The following GCNT4 variants were observed in gnomAD, a reference collection of about 807,000 sequenced individuals.
GCNT4 encodes the protein glucosaminyl (N-acetyl) transferase 4.
A neutral mutation model predicts 31.3 loss-of-function variants in GCNT4; 17 were observed. That is an observed-to-expected ratio of 0.54 (90% confidence interval 0.37 to 0.81). GCNT4 has a LOEUF of 0.81. GCNT4 is among the 40% of genes least tolerant of loss of function. The probability of loss-of-function intolerance (pLI) is 0.00; values close to 1 mark genes in which losing one functional copy is unlikely to be tolerated. For synonymous variants in GCNT4, 158 were observed against 190.6 expected (o/e 0.83, Z 1.41); for missense variants, 503 against 525.5 (o/e 0.96, Z 0.42).
chr5:75,041,745 A>G (rs1743326381), intron 3 of GCNT4, among the ~76,000 whole-genome samples: 1 of 152,228 alleles, frequency 6.6e-6, no homozygotes, highest in African/African-American at 2.4e-5. Context: ...ACCAATTGGG[A>G]AACAGTAGAC....
chr5:75,046,255 G>A (rs1010497779), intron 3 of GCNT4, among the ~76,000 whole-genome samples: 12 of 152,198 alleles, frequency 7.9e-5, no homozygotes, highest in Admixed American at 7.9e-4. Context: ...AAAGGAAGAA[G>A]GAACCTGGTA....
At position 75,033,673 on chromosome 5, in the gene GCNT4, A is replaced by AT. The variant is rs772607869; in HGVS notation, c.-1-3636dup. Among the ~76,000 whole-genome samples, 807 of 145,520 alleles carry AT rather than the reference A, an allele frequency of 5.5e-3. 11 individuals are homozygous for AT. The highest frequency in any genetic ancestry group is 0.017 in the African/African-American group (659 of 39,624). On this transcript the variant is annotated intron_variant, in intron 3 of 3. Coordinates refer to ENST00000652361, the MANE Select transcript of GCNT4 (RefSeq NM_001366737.1). The stretch of plus-strand genomic sequence containing the variant: ...AATCCCTTTATTTATTTATTTATTT[A>AT]TTTTTTTTTTTTTACTTTAAGTTCT...
At chr5:75,030,218 G>A (rs1280753604) in intron 3 of GCNT4, 180 bp from the exon 4 acceptor site, 1 of 603,638 alleles carries the variant, frequency 1.7e-6, no homozygotes, top group African/African-American at 1.9e-5. Context: ...AAGAATGGTG[G>A]TATTTTGGGG....
At chr5:75,018,454 G>A in the GCNT4 span, among the ~76,000 whole-genome samples, 10 of 151,974 alleles carry the variant, frequency 6.6e-5, no homozygotes, top group Non-Finnish European at 1.3e-4. Flanking sequence ...GCTAATTTTT[G>A]TATTTTTAGT....
At chr5:75,032,872 G>GGTGTGTGTGTGTGT (rs60551634) in intron 3 of GCNT4, among the ~76,000 whole-genome samples, 58 of 130,752 alleles carry the variant, frequency 4.4e-4, no homozygotes, top group East Asian at 3.6e-3. Context: ...CCCAAATAGG[G>GGTGTGTGTGTGTGT]GTGTGTGTGT....
At chr5:75,031,927 C>A (rs1743072366) in intron 3 of GCNT4, among the ~76,000 whole-genome samples, 1 of 152,122 alleles carries the variant, frequency 6.6e-6, no homozygotes, top group Non-Finnish European at 1.5e-5. Context: ...CCTAACATAT[C>A]TCAATAAACC....
intron 2 of GCNT4, among the ~76,000 whole-genome samples, chr5:75,049,936 G>A (rs887470900): frequency 2.0e-5 from 3 of 152,198 alleles, no homozygotes; most frequent in African/African-American, 7.2e-5. Flanking sequence ...CAGCACTAAG[G>A]TTTACTGAGC....
intron 3 of GCNT4, among the ~76,000 whole-genome samples, chr5:75,038,361 G>T (rs528636993): frequency 1.3e-5 from 2 of 152,140 alleles, no homozygotes; most frequent in Non-Finnish European, 2.9e-5. Flanking sequence ...TTTACAGGTG[G>T]TTGAGCCCAT....
chr5:75,033,729 T>C (rs1743131305), intron 3 of GCNT4, among the ~76,000 whole-genome samples: 1 of 152,002 alleles, frequency 6.6e-6, no homozygotes, highest in African/African-American at 2.4e-5. Flanking sequence ...GCAGGTTTCT[T>C]ACATAGGTAT....
intron 3 of GCNT4, among the ~76,000 whole-genome samples, chr5:75,031,634 T>C (rs1043987850): frequency 2.0e-5 from 3 of 151,892 alleles, no homozygotes; most frequent in African/African-American, 7.3e-5. Context: ...CAGGGTAGAG[T>C]GGGAAAGGAC....
chr5:75,040,266 C>A (rs775739268), intron 3 of GCNT4, among the ~76,000 whole-genome samples: 1 of 151,882 alleles, frequency 6.6e-6, no homozygotes, highest in Non-Finnish European at 1.5e-5. Context: ...GCAACCTCCG[C>A]CTCCCAGATT....
intron 3 of GCNT4, among the ~76,000 whole-genome samples, chr5:75,033,759 G>C (rs1377630089): frequency 6.6e-6 from 1 of 151,664 alleles, no homozygotes; most frequent in African/African-American, 2.4e-5. Flanking sequence ...ATGGTGGTTT[G>C]CTGCACCTAT....
At chr5:75,049,382 C>CAAATGATAAATATTTAGATG in intron 2 of GCNT4, among the ~76,000 whole-genome samples, 1 of 152,290 alleles carries the variant, frequency 6.6e-6, no homozygotes, top group Non-Finnish European at 1.5e-5. Flanking sequence ...CAAATGATAT[C>CAAATGATAAATATTTAGATG]TGGCTCCCCA....
At chr5:75,054,043 A>G (rs1218273013), upstream of GCNT4, among the ~76,000 whole-genome samples, 4 of 148,134 alleles carry the variant, frequency 2.7e-5, no homozygotes, top group African/African-American at 1.1e-4. Context: ...GCTCGCTCTC[A>G]TGGGTGAGAC....
chr5:75,028,575 TGG>T lies in GCNT4; in HGVS notation c.*99_*100del. ...GGAATTTTGGACACCTTTTAAAATA[TGG>T]GAGGACTGAGTTTAAACAGTATTGG... On this transcript the variant is annotated 3_prime_UTR_variant, in exon 4 of 4. Transcript: ENST00000652361. 2 of 1,133,572 alleles carry T rather than the reference TGG, an allele frequency of 1.8e-6. No individual in the cohort carries two copies. The highest frequency in any genetic ancestry group is 3.1e-5 in the African/African-American group (2 of 63,692). The allele number at this position is 1,133,572 out of a possible 1,614,324, so 70.2% of individuals were successfully genotyped here. A position where few individuals can be genotyped will look rare whatever the true frequency, so the allele number is the denominator to read the frequency against.
At chr5:75,050,141 C>T (rs934324252) in intron 2 of GCNT4, among the ~76,000 whole-genome samples, 5 of 152,182 alleles carry the variant, frequency 3.3e-5, no homozygotes, top group Non-Finnish European at 5.9e-5. Context: ...AGTCTCACTG[C>T]GAGGCCTTGC....
At chr5:75,040,306 C>T (rs1294729305) in intron 3 of GCNT4, among the ~76,000 whole-genome samples, 3 of 152,044 alleles carry the variant, frequency 2.0e-5, no homozygotes, top group East Asian at 1.9e-4. Flanking sequence ...TCCTATCACA[C>T]TCCTTGTTTT....
intron 3 of GCNT4, among the ~76,000 whole-genome samples, chr5:75,046,355 A>C (rs77414214): frequency 0.01 from 1,555 of 152,286 alleles, 20 homozygotes; most frequent in African/African-American, 0.035. Flanking sequence ...CAAATATTGC[A>C]AATATGCTGC....
intron 2 of GCNT4, among the ~76,000 whole-genome samples, chr5:75,051,801 T>C (rs1580249779): frequency 6.6e-6 from 1 of 151,796 alleles, no homozygotes; most frequent in East Asian, 1.9e-4. Flanking sequence ...AAGAAAAGAG[T>C]ATAAACCTTC....
Sources: gnomAD v4.1 joint callset for allele counts (sites outside exome capture counted in the v4.1 genomes callset) on GRCh38, gnomAD v4.1.1 for gene constraint, MANE v1.5 for transcripts, NCBI Gene and HGNC (gene_info 2026-07-23, HGNC 2026-07-21) for gene names.